CYFIP1: variants seen among roughly 807,000 people sequenced by gnomAD.
The protein encoded by CYFIP1 is cytoplasmic FMR1-interacting protein 1.
CYFIP1 carries 58 observed loss-of-function variants against 163.5 expected under a neutral mutation model. That is an observed-to-expected ratio of 0.35 (90% CI 0.29 to 0.44). The LOEUF is 0.44. CYFIP1 is among the 20% of genes least tolerant of loss of function. CYFIP1 has a pLI of 1.00. For missense variants in CYFIP1, 1,338 were observed against 1,653.8 expected (o/e 0.81, Z 3.31); for synonymous variants, 663 against 660.7 (o/e 1.00, Z -0.05).
intron 1 of CYFIP1, among the ~76,000 whole-genome samples, chr15:22,952,609 C>T (rs927270871): frequency 3.0e-5 from 4 of 133,408 alleles, no homozygotes; most frequent in East Asian, 4.7e-4. Context: ...GAGCTGAGAT[C>T]GCACCACTGC....
chr15:22,963,596 C>T (rs892428211), intron 1 of CYFIP1, among the ~76,000 whole-genome samples: 4 of 149,174 alleles, frequency 2.7e-5, no homozygotes, highest in African/African-American at 5.0e-5. Context: ...TTTTTGTGAA[C>T]ATAAGGGAAA....
In CYFIP1 at chr15:22,947,856, A is replaced by C. The variant is rs919487904; in HGVS notation, c.-6-565T>G. 6 of 800,932 alleles carry C rather than the reference A, an allele frequency of 7.5e-6. No individual in the cohort carries two copies. The African/African-American group carries it at 1.1e-4, about 15-fold the overall frequency. The allele number at this position is 800,932 out of a possible 1,614,324, so 49.6% of individuals were successfully genotyped here. A position where few individuals can be genotyped will look rare whatever the true frequency, so the allele number is the denominator to read the frequency against. ...GCTGCCGCAGGGGACAGAAAGTGCC[A>C]CACCGCAGCTGGAGCAGAGGTGCAG... On this transcript the variant is annotated intron_variant, in intron 1 of 30. Transcript: ENST00000617928.
chr15:22,961,656 C>G (rs955655127), intron 1 of CYFIP1, among the ~76,000 whole-genome samples: 1 of 152,240 alleles, frequency 6.6e-6, no homozygotes, highest in African/African-American at 2.4e-5. Flanking sequence ...GCTGAAATTA[C>G]AGGAACGAGC....
intron 28 of CYFIP1, among the ~76,000 whole-genome samples, chr15:22,873,933 T>G (rs955576793): frequency 6.6e-6 from 1 of 152,180 alleles, no homozygotes; most frequent in African/African-American, 2.4e-5. Context: ...AATTTTTGTA[T>G]TTTTTGTAGA....
At chr15:22,955,752 T>TCAGCCAGTGC (rs1188956253) in intron 1 of CYFIP1, among the ~76,000 whole-genome samples, 1 of 152,170 alleles carries the variant, frequency 6.6e-6, no homozygotes, top group African/African-American at 2.4e-5. Context: ...GCTCAGGGCA[T>TCAGCCAGTGC]CAGCCAGTGC....
intron 1 of CYFIP1, among the ~76,000 whole-genome samples, chr15:22,950,527 C>T (rs988852933): frequency 1.9e-4 from 29 of 152,220 alleles, no homozygotes; most frequent in Non-Finnish European, 4.0e-4. Flanking sequence ...ATGCCATAGC[C>T]ACCCCCGAAT....
intron 8 of CYFIP1, among the ~76,000 whole-genome samples, chr15:22,937,574 C>T (rs1467715816): frequency 2.7e-5 from 4 of 150,694 alleles, no homozygotes; most frequent in Non-Finnish European, 4.4e-5. Flanking sequence ...AGTTAAGTTT[C>T]GGTGTATGCA....
rs1000243436 is a variant in CYFIP1, at chr15:22,869,054, A to T, written c.*974T>A. 2 of 152,176 alleles carry T rather than the reference A, an allele frequency of 1.3e-5. No individual in the cohort carries two copies. Among genetic ancestry groups the T allele is most frequent in the Non-Finnish European group, 2.9e-5 (2 of 68,042 alleles). 9.4% of individuals were successfully genotyped at this position (152,176 alleles called of 1,614,324 possible). A position where few individuals can be genotyped will look rare whatever the true frequency, so the allele number is the denominator to read the frequency against. On this transcript the variant is annotated 3_prime_UTR_variant, in exon 31 of 31. Coordinates refer to ENST00000617928, the MANE Select transcript of CYFIP1 (RefSeq NM_014608.6). ...GACCGATTGTTTTTCATTCTGACAG[A>T]TCATGTGAACCAGCTCCAGCCATGT...
chr15:22,868,838 A>C lies in CYFIP1; in HGVS notation c.*1190T>G, dbSNP rs980421434. The C allele has an allele frequency of 2.0e-5, 3 of 152,336 alleles. No homozygotes were observed. The highest frequency in any genetic ancestry group is 7.2e-5 in the African/African-American group (3 of 41,578). The allele number at this position is 152,336 out of a possible 1,614,324, so 9.4% of individuals were successfully genotyped here. On this transcript the variant is annotated 3_prime_UTR_variant, in exon 31 of 31. Transcript: ENST00000617928. ...CTCCAAATAATGTAAAATGACTGCC[A>C]GGCTACAATATAAAGTGAGTTCAGT...
intron 1 of CYFIP1, among the ~76,000 whole-genome samples, chr15:22,954,772 A>G (rs1436296125): frequency 6.6e-6 from 1 of 152,216 alleles, no homozygotes; most frequent in African/African-American, 2.4e-5. Context: ...TGCTGTTTTA[A>G]TAAGCCATCA....
intron 1 of CYFIP1, among the ~76,000 whole-genome samples, chr15:22,978,310 T>TG (rs2063346139): frequency 7.5e-6 from 1 of 133,820 alleles, no homozygotes. Context: ...CGAGTTTGCG[T>TG]CACTGCACTC....
chr15:22,895,353 G>A (rs773276574), intron 22 of CYFIP1, among the ~76,000 whole-genome samples: 5 of 152,092 alleles, frequency 3.3e-5, no homozygotes, highest in African/African-American at 1.2e-4. Flanking sequence ...GTCTTGCCAC[G>A]TTGGCCAGGC....
chr15:22,970,400 T>C (rs952287821), intron 1 of CYFIP1, among the ~76,000 whole-genome samples: 2 of 152,226 alleles, frequency 1.3e-5, no homozygotes, highest in African/African-American at 4.8e-5. Flanking sequence ...TGCAATCCCT[T>C]TGAAAATTCC....
chr15:22,894,936 G>C (rs1357773014), intron 22 of CYFIP1, among the ~76,000 whole-genome samples: 1 of 145,294 alleles, frequency 6.9e-6, no homozygotes, highest in Non-Finnish European at 1.5e-5. Flanking sequence ...ACTAACTGCA[G>C]CCTCAACCTC....
intron 11 of CYFIP1, 128 bp from the exon 12 acceptor site, chr15:22,928,156 C>A: frequency 1.7e-6 from 2 of 1,178,434 alleles, no homozygotes; most frequent in Non-Finnish European, 2.3e-6. Flanking sequence ...GAGGCCAAGG[C>A]GGGCGGATCA....
intron 23 of CYFIP1, among the ~76,000 whole-genome samples, chr15:22,889,827 CAG>C (rs1218222192): frequency 1.3e-5 from 2 of 152,182 alleles, no homozygotes; most frequent in East Asian, 3.8e-4. Flanking sequence ...TTTTAGTTCA[CAG>C]AGACCCAAGA....
chr15:22,890,274 G>A (rs12906109), intron 23 of CYFIP1, among the ~76,000 whole-genome samples: 84,136 of 148,660 alleles, frequency 0.57, 24,133 homozygotes, highest in East Asian at 0.77. Flanking sequence ...ATTGTGCCCT[G>A]CACTCCATCC....
intron 26 of CYFIP1, among the ~76,000 whole-genome samples, chr15:22,878,493 A>G (rs1420627239): frequency 1.3e-5 from 2 of 152,094 alleles, no homozygotes; most frequent in Admixed American, 6.5e-5. Flanking sequence ...ACAGAGAGAA[A>G]GAAGCTTCCT....
chr15:22,944,548 G>A lies in CYFIP1; in HGVS notation c.387+10C>T, dbSNP rs1192948141. 1.3e-6 allele frequency: 2 copies of A among 1,577,964 alleles called. No individual in the cohort carries two copies. Among genetic ancestry groups the A allele is most frequent in the East Asian group, 2.2e-5 (1 of 44,674 alleles). On this transcript the variant is annotated intron_variant, in intron 5 of 30. Transcript: ENST00000617928. ...GTGTTACACCCCCCCCAGATTATTT[G>A]CCATTTTACCTGGAAGTACATGAAA...
Sources: allele counts gnomAD v4.1 joint callset (sites outside exome capture counted in the v4.1 genomes callset), GRCh38; gene constraint gnomAD v4.1.1; transcripts MANE v1.5; gene names NCBI Gene and HGNC (gene_info 2026-07-23, HGNC 2026-07-21).